EGLN1: variants seen among roughly 807,000 people sequenced by gnomAD.
EGLN1 encodes the protein egl nine homolog 1.
Under a neutral mutation model 38.3 loss-of-function variants are expected in EGLN1, and 17 were observed. That is an observed-to-expected ratio of 0.44 (90% CI 0.30 to 0.67). The LOEUF (loss-of-function observed/expected upper bound fraction) is 0.67, where lower values mean the gene tolerates loss of function less well. Ranked by LOEUF, EGLN1 falls within the 30% of genes least tolerant of loss-of-function variation. The pLI, the probability that EGLN1 is intolerant of heterozygous loss-of-function variation, is 0.08. For missense variants in EGLN1, 477 were observed against 603.3 expected (o/e 0.79, Z 2.19); for synonymous variants, 283 against 257.5 (o/e 1.10, Z -0.95).
intron 1 of EGLN1, among the ~76,000 whole-genome samples, chr1:231,413,129 G>A (rs1452132007): frequency 6.6e-6 from 1 of 152,126 alleles, no homozygotes; most frequent in Non-Finnish European, 1.5e-5. Context: ...AGGTTGGAGT[G>A]CGGTGGCATC....
rs199904795 is a variant in EGLN1 at position 231,380,142 on chromosome 1, CCA to C, written c.892-6045_892-6044del. Among the ~76,000 whole-genome samples the C allele has an allele frequency of 2.6e-4, 39 of 152,118 alleles. No individual in the cohort carries two copies. In the East Asian group the frequency reaches 7.2e-3, roughly 28 times the overall value. ...TGGGATAGCTGAAGCCGTGTGCCTGCCACAGATTGCCAAGGGAGTACAGAGAG... is the reference window on the plus strand; with the variant it reads ...TGGGATAGCTGAAGCCGTGTGCCTGCCAGATTGCCAAGGGAGTACAGAGAG... On this transcript the variant is annotated intron_variant, in intron 1 of 4. Coordinates refer to ENST00000366641, the MANE Select transcript of EGLN1 (RefSeq NM_022051.3).
At chr1:231,368,687 C>A (rs1687729239) in intron 3 of EGLN1, among the ~76,000 whole-genome samples, 1 of 152,144 alleles carries the variant, frequency 6.6e-6, no homozygotes. Context: ...CCAGTGGACA[C>A]AGGGGAAAAG....
chr1:231,414,184 G>A (rs932876528), intron 1 of EGLN1, among the ~76,000 whole-genome samples: 5 of 152,114 alleles, frequency 3.3e-5, no homozygotes, highest in East Asian at 1.9e-4. Flanking sequence ...GTGTGGAAAC[G>A]AGGGCACAGT....
intron 1 of EGLN1, among the ~76,000 whole-genome samples, chr1:231,377,560 C>A (rs916605908): frequency 5.9e-5 from 9 of 152,174 alleles, no homozygotes; most frequent in Non-Finnish European, 5.9e-5. Context: ...AAAATGGAAA[C>A]ACTAGGTGAA....
intron 1 of EGLN1, among the ~76,000 whole-genome samples, chr1:231,400,011 A>C (rs1304638963): frequency 6.6e-6 from 1 of 152,200 alleles, no homozygotes; most frequent in Non-Finnish European, 1.5e-5. Flanking sequence ...TACTTTTAGA[A>C]GCCTTGGGGA....
rs368824788 is a variant in EGLN1, at chr1:231,364,560, C to G, written c.*1851G>C. Reference sequence around the variant, plus strand: ...AATTCTCCTAAGTGAGATCACTATACTGAACATTCAATCCCATCCTAAGTC... The same window carrying G: ...AATTCTCCTAAGTGAGATCACTATAGTGAACATTCAATCCCATCCTAAGTC... On this transcript the variant is annotated 3_prime_UTR_variant, in exon 5 of 5. Coordinates refer to ENST00000366641, the MANE Select transcript of EGLN1 (RefSeq NM_022051.3). 7 of 152,304 alleles carry G rather than the reference C, an allele frequency of 4.6e-5. No individual in the cohort carries two copies. The highest frequency in any genetic ancestry group is 1.7e-4 in the African/African-American group (7 of 41,552). The allele number at this position is 152,304 out of a possible 1,614,324, so 9.4% of individuals were successfully genotyped here.
intron 1 of EGLN1, among the ~76,000 whole-genome samples, chr1:231,395,454 AT>A (rs1688498838): frequency 6.6e-6 from 1 of 152,198 alleles, no homozygotes; most frequent in Admixed American, 6.5e-5. Flanking sequence ...TAAAAACTGG[AT>A]GCCTGTTGGG....
chr1:231,410,948 T>C (rs966740337), intron 1 of EGLN1, among the ~76,000 whole-genome samples: 4 of 151,904 alleles, frequency 2.6e-5, no homozygotes, highest in Admixed American at 2.0e-4. Context: ...GTAGAAGACA[T>C]CACACAGGTA....
chr1:231,388,643 T>C (rs1345084212), intron 1 of EGLN1, among the ~76,000 whole-genome samples: 1 of 115,782 alleles, frequency 8.6e-6, no homozygotes, highest in East Asian at 2.6e-4. Flanking sequence ...ACCTAATTTT[T>C]TGGTTTTTTG....
chr1:231,408,870 T>C (rs1177009162), intron 1 of EGLN1, among the ~76,000 whole-genome samples: 1 of 151,776 alleles, frequency 6.6e-6, no homozygotes, highest in African/African-American at 2.4e-5. Flanking sequence ...ACGAAAGAAA[T>C]GAGGAAATGC....
chr1:231,399,760 C>T (rs1381748356), intron 1 of EGLN1, among the ~76,000 whole-genome samples: 1 of 152,118 alleles, frequency 6.6e-6, no homozygotes, highest in South Asian at 2.1e-4. Flanking sequence ...AATGGCAGAG[C>T]TGGGTTTTAA....
intron 3 of EGLN1, among the ~76,000 whole-genome samples, chr1:231,368,155 C>T (rs534504556): frequency 1.3e-5 from 2 of 152,256 alleles, no homozygotes; most frequent in East Asian, 3.9e-4. Context: ...CATGCCACTG[C>T]ACTCCAGCCT....
intron 1 of EGLN1, among the ~76,000 whole-genome samples, chr1:231,392,702 C>G (rs995781169): frequency 3.9e-5 from 6 of 152,170 alleles, no homozygotes; most frequent in Non-Finnish European, 7.3e-5. Flanking sequence ...AGCATAGCAC[C>G]TGGTACCTAG....
intron 1 of EGLN1, among the ~76,000 whole-genome samples, chr1:231,375,769 A>G (rs551861972): frequency 1.3e-5 from 2 of 152,218 alleles, no homozygotes; most frequent in African/African-American, 2.4e-5. Context: ...GCTACCCAGG[A>G]AAGAAGTTTA....
At chr1:231,407,226 G>C (rs746911509) in intron 1 of EGLN1, among the ~76,000 whole-genome samples, 3 of 152,100 alleles carry the variant, frequency 2.0e-5, no homozygotes, top group Non-Finnish European at 4.4e-5. Context: ...TTTTAATCTA[G>C]TTAAAGCAAC....
rs144819294 is a variant in EGLN1 at position 231,386,743 on chromosome 1, T to C, written c.892-12644A>G. ...ATTTACCTTGAGAGAACAGAGATGA[T>C]AGATTAGACAGATAAAGAAGAGTAA... is the stretch of plus-strand genomic sequence containing the variant. On this transcript the variant is annotated intron_variant, in intron 1 of 4. Transcript: ENST00000366641. 8.5e-4 allele frequency among the ~76,000 whole-genome samples: 129 copies of C among 152,330 alleles called. 3 individuals carry two copies. In the East Asian group the frequency reaches 0.023, roughly 27 times the overall value.
In EGLN1 at chr1:231,387,404, G is replaced by C. The variant is rs1486244254; in HGVS notation, c.892-13305C>G. Among the ~76,000 whole-genome samples the C allele has an allele frequency of 8.9e-5, 13 of 146,392 alleles. 1 individual carries two copies. The highest frequency in any genetic ancestry group is 6.0e-4 in the East Asian group (3 of 5,014). ...TGACGGCGTCTCGCTCTGTCGCCCAGGCTGGAGTGCAGTGGCTTGATCTCG... is the reference window on the plus strand; with the variant it reads ...TGACGGCGTCTCGCTCTGTCGCCCACGCTGGAGTGCAGTGGCTTGATCTCG... On this transcript the variant is annotated intron_variant, in intron 1 of 4. Coordinates refer to ENST00000366641, the MANE Select transcript of EGLN1 (RefSeq NM_022051.3).
intron 1 of EGLN1, 119 bp downstream of exon 1, chr1:231,420,879 A>G (rs1656563707): frequency 1.1e-5 from 18 of 1,595,952 alleles, no homozygotes; most frequent in Admixed American, 8.4e-5. Context: ...CTACACAAGA[A>G]AGAGCGAGTC....
intron 1 of EGLN1, among the ~76,000 whole-genome samples, chr1:231,384,277 A>C (rs1688140264): frequency 6.6e-6 from 1 of 152,190 alleles, no homozygotes; most frequent in South Asian, 2.1e-4. Flanking sequence ...TTGGGGATAC[A>C]CTACTTAATA....
Sources: gnomAD v4.1 joint callset for allele counts (sites outside exome capture counted in the v4.1 genomes callset) on GRCh38, gnomAD v4.1.1 for gene constraint, MANE v1.5 for transcripts, NCBI Gene and HGNC (gene_info 2026-07-23, HGNC 2026-07-21) for gene names.